The following PLK3 variants were observed in gnomAD, a reference collection of about 807,000 sequenced individuals.
PLK3 encodes polo like kinase 3, also known as serine/threonine-protein kinase PLK3.
PLK3 carries 41 observed loss-of-function variants against 71.6 expected under a neutral mutation model. The ratio of observed to expected loss-of-function variants is 0.57; its 90% CI spans 0.45 to 0.74. The LOEUF is 0.74. Ranked by LOEUF, PLK3 falls within the 30% of genes least tolerant of loss-of-function variation. The pLI is 0.00. For synonymous variants in PLK3, 366 were observed against 355.4 expected (o/e 1.03, Z -0.33); for missense variants, 791 against 875.6 (o/e 0.90, Z 1.22).
In PLK3 at chr1:44,802,872, A is replaced by G. The variant is rs372760370; in HGVS notation, c.749+17A>G. ...CTGTGTCATGTGAGTTGCAGGGTCC[A>G]GGTTCAGCAGCAGACAGGTGGTGGG... On this transcript the variant is annotated intron_variant, in intron 6 of 14. Coordinates refer to ENST00000372201, the MANE Select transcript of PLK3 (RefSeq NM_004073.4). 4 of 1,610,834 alleles carry G rather than the reference A, an allele frequency of 2.5e-6. No homozygotes were observed. The highest frequency in any genetic ancestry group is 3.4e-6 in the Non-Finnish European group (4 of 1,176,988).
At position 44,803,442 on chromosome 1, in the gene PLK3, G is replaced by A; in HGVS notation, c.1072+51G>A. ...AGGGGGCAGAGCAGTAGAGCGGCTTGTCACATTTGTCTTGGGTGTGTGAGT... is the reference window on the plus strand; with the variant it reads ...AGGGGGCAGAGCAGTAGAGCGGCTTATCACATTTGTCTTGGGTGTGTGAGT... On this transcript the variant is annotated intron_variant, in intron 8 of 14. Transcript: ENST00000372201. The surrounding 1 kb of genome is among the most constrained non-coding windows in gnomAD (Gnocchi z 4.3). 1 of 1,608,986 alleles carries A rather than the reference G, an allele frequency of 6.2e-7. No individual in the cohort carries two copies. Among genetic ancestry groups the A allele is most frequent in the African/African-American group, 1.3e-5 (1 of 74,978 alleles).
chr1:44,802,028 G>GATCTCA, intron 5 of PLK3, 96 bp downstream of exon 5: 1 of 896,632 alleles, frequency 1.1e-6, no homozygotes, highest in Admixed American at 2.3e-5. Flanking sequence ...TGCCTGATGT[G>GATCTCA]TGCATGAGAT....
intron 5 of PLK3, 61 bp downstream of exon 5, chr1:44,801,993 A>ATATG: frequency 7.8e-7 from 1 of 1,289,926 alleles, no homozygotes; most frequent in Non-Finnish European, 1.1e-6. Flanking sequence ...TAGACAGTGC[A>ATATG]TATGTATGTG....
rs767843437 is a variant in PLK3, at chr1:44,801,983, TAGAC to T, written c.653+54_653+57del. 2.3e-5 allele frequency: 31 copies of T among 1,369,478 alleles called. No homozygotes were observed. The African/African-American group carries it at 3.0e-4, about 13-fold the overall frequency. 84.8% of individuals were successfully genotyped at this position (1,369,478 alleles called of 1,614,324 possible). A position where few individuals can be genotyped will look rare whatever the true frequency, so the allele number is the denominator to read the frequency against. ...TGTGTGATACAGATGACATGCGTGA[TAGAC>T]AGTGCATATGTATGTGGGAGGCAAG... On this transcript the variant is annotated intron_variant, in intron 5 of 14. Transcript: ENST00000372201.
At position 44,803,788 on chromosome 1, in the gene PLK3, C is replaced by T. The variant is rs959458044; in HGVS notation, c.1164+97C>T. 2.4e-5 allele frequency: 28 copies of T among 1,171,144 alleles called. No individual in the cohort carries two copies. The highest frequency in any genetic ancestry group is 3.2e-5 in the Non-Finnish European group (26 of 801,070). 72.5% of individuals were successfully genotyped at this position (1,171,144 alleles called of 1,614,324 possible). On this transcript the variant is annotated intron_variant, in intron 9 of 14. Coordinates refer to ENST00000372201, the MANE Select transcript of PLK3 (RefSeq NM_004073.4). The surrounding 1 kb of genome is among the most constrained non-coding windows in gnomAD (Gnocchi z 4.3). ...AAGAGGCTGCTGAAGCATCCAGCCT[C>T]GTGGTGGCCTAATTGGCTGTGTGTC...
Position 44,802,982 on chromosome 1 carries a change from C to G in PLK3, c.777C>G (p.Pro259=). 2 of 1,614,034 alleles carry G rather than the reference C, an allele frequency of 1.2e-6. No homozygotes were observed. The highest frequency in any genetic ancestry group is 1.7e-6 in the Non-Finnish European group (2 of 1,179,944). ...VMYTLLCGSP[P]FETADLKETY... Reference sequence around the variant, plus strand: ...ACACGCTGCTCTGCGGGAGCCCTCCCTTTGAGACGGCTGACCTGAAGGAGA... The same window carrying G: ...ACACGCTGCTCTGCGGGAGCCCTCCGTTTGAGACGGCTGACCTGAAGGAGA... Residue 259 remains proline (P), a synonymous_variant, in exon 7 of 15, where the codon CCC becomes CCG. Transcript: ENST00000372201.
Position 44,803,610 on chromosome 1 carries a change from T to C in PLK3, c.1083T>C (p.His361=). The change falls in exon 9 of 15, where the codon CAT becomes CAC. Residue 361 remains histidine, a synonymous_variant. Transcript: ENST00000372201. This position sits in a 1 kb window ranked among gnomAD's most constrained non-coding sequence, Gnocchi z 4.3. ...LFGRKKKSKN[H]AQERDEVSGL... ...ACCTTTCACCCCCAGGTAAGAATCA[T>C]GCCCAGGAGAGGGATGAGGTCTCCG... The C allele has an allele frequency of 6.2e-7, 1 of 1,613,820 alleles. No individual in the cohort carries two copies. Among genetic ancestry groups the C allele is most frequent in the South Asian group, 1.1e-5 (1 of 91,070 alleles).
In PLK3 at chr1:44,805,349, C is replaced by A; in HGVS notation, c.1719C>A (p.Leu573=). ...LLQWVKTDQA[L]LMLFSDGTVQ... ...AGTGGGTCAAGACGGATCAGGCTCTCCTCATGCTGTTTAGTGATGGCACTG... is the reference window on the plus strand; with the variant it reads ...AGTGGGTCAAGACGGATCAGGCTCTACTCATGCTGTTTAGTGATGGCACTG... The change falls in exon 14 of 15, where the codon CTC becomes CTA. Residue 573 remains leucine (L), a synonymous_variant. Transcript: ENST00000372201. 6.2e-7 allele frequency: 1 copy of A among 1,613,972 alleles called. No homozygotes were observed.
In PLK3 at chr1:44,801,653, C is replaced by T; in HGVS notation, c.467C>T (p.Thr156Ile). ...SLAHIWKARH[T>I]LLEPEVRYYL... Reference sequence around the variant, plus strand: ...GCCCACATCTGGAAGGCCCGGCACACCCTGTTGGAGCCAGAAGTGCGCTAC... The same window carrying T: ...GCCCACATCTGGAAGGCCCGGCACATCCTGTTGGAGCCAGAAGTGCGCTAC... Residue 156 changes from threonine to isoleucine, a missense_variant, in exon 4 of 15, where the codon ACC (threonine) becomes ATC (isoleucine). By Grantham distance (89) the Thr-to-Ile change is moderately conservative (BLOSUM62 -1). Transcript: ENST00000372201. 6.2e-7 allele frequency: 1 copy of T among 1,613,682 alleles called. No homozygotes were observed. Among genetic ancestry groups the T allele is most frequent in the Admixed American group, 1.7e-5 (1 of 59,994 alleles).
rs186791257 is a variant in PLK3, at chr1:44,805,155, T to C, written c.1636-111T>C. The C allele has an allele frequency of 6.2e-5, 46 of 744,434 alleles. 2 individuals carry two copies. The highest frequency in any genetic ancestry group is 6.0e-4 in the African/African-American group (35 of 58,032). The allele number at this position is 744,434 out of a possible 1,614,324, so 46.1% of individuals were successfully genotyped here. A position where few individuals can be genotyped will look rare whatever the true frequency, so the allele number is the denominator to read the frequency against. ...AACTAACCCATCCTGATCCCTCTGA[T>C]TCCCCCTTGGTGGTGGTTGGGGTTG... On this transcript the variant is annotated intron_variant, in intron 13 of 14. Transcript: ENST00000372201.
chr1:44,800,918 C>T lies in PLK3; in HGVS notation c.289C>T (p.Arg97Cys). ...CGCTGTCAAAGTCATCCCGCAGAGC[C>T]GCGTCGCCAAGCCGCATCAGCGCGA... ...AYAVKVIPQS[R>C]VAKPHQREKI... The change falls in exon 2 of 15, where the codon CGC (arginine) becomes TGC (cysteine). Residue 97 changes from arginine to cysteine, a missense_variant. Coordinates refer to ENST00000372201, the MANE Select transcript of PLK3 (RefSeq NM_004073.4). The surrounding 1 kb of genome is among the most constrained non-coding windows in gnomAD (Gnocchi z 6.5). 2.5e-6 allele frequency: 4 copies of T among 1,612,706 alleles called. No individual in the cohort carries two copies. The South Asian group carries it at 4.4e-5, about 18-fold the overall frequency.
chr1:44,800,637 C>T lies in PLK3; in HGVS notation c.174C>T (p.Ser58=). The stretch of plus-strand genomic sequence containing the variant: ...GGCGCCTCATCACGGACCCGCGCAG[C>T]GGCCGCACCTACCTCAAAGGCCGCT... ...DPGRLITDPR[S]GRTYLKGRLL... The change falls in exon 1 of 15, where the codon AGC becomes AGT. Residue 58 remains serine (S), a synonymous_variant. Coordinates refer to ENST00000372201, the MANE Select transcript of PLK3 (RefSeq NM_004073.4). This position sits in a 1 kb window ranked among gnomAD's most constrained non-coding sequence, Gnocchi z 6.5. 3 of 1,543,640 alleles carry T rather than the reference C, an allele frequency of 1.9e-6. No homozygotes were observed. Among genetic ancestry groups the T allele is most frequent in the Admixed American group, 2.0e-5 (1 of 51,178 alleles).
At chr1:44,804,292 G>T (rs1262159302) in intron 11 of PLK3, 46 bp downstream of exon 11, 32 of 1,613,638 alleles carry the variant, frequency 2.0e-5, no homozygotes, top group Non-Finnish European at 2.5e-5. Flanking sequence ...GAGTTCTGTG[G>T]CTGGGAGGCC....
At chr1:44,804,280 G>T (rs753191646) in intron 11 of PLK3, 34 bp downstream of exon 11, 26 of 1,612,862 alleles carry the variant, frequency 1.6e-5, no homozygotes, top group Non-Finnish European at 2.5e-6. Flanking sequence ...CTGCTGTGGT[G>T]GGAGTTCTGT....
In PLK3 at chr1:44,800,480, GT is replaced by G. The variant is rs1382300561; in HGVS notation, c.20del (p.Phe7SerfsTer102). On this transcript the variant is annotated frameshift_variant, in exon 1 of 15. Coordinates refer to ENST00000372201, the MANE Select transcript of PLK3 (RefSeq NM_004073.4). LOFTEE classifies it high-confidence loss of function. This position sits in a 1 kb window ranked among gnomAD's most constrained non-coding sequence, Gnocchi z 6.5. Reference sequence around the variant, plus strand: ...GCCGGCCGCATGGAGCCTGCCGCCGGTTTCCTGTCTCCGCGCCCCTTCCAGC... The same window carrying G: ...GCCGGCCGCATGGAGCCTGCCGCCGGTTCCTGTCTCCGCGCCCCTTCCAGC... The part of the protein sequence containing the change: MEPAA[G>X]FLSPRPFQRA... 3.7e-5 allele frequency: 53 copies of G among 1,429,932 alleles called. No individual in the cohort carries two copies. Among genetic ancestry groups the G allele is most frequent in the Non-Finnish European group, 4.7e-5 (52 of 1,097,704 alleles). 88.6% of individuals were successfully genotyped at this position (1,429,932 alleles called of 1,614,324 possible). A position where few individuals can be genotyped will look rare whatever the true frequency, so the allele number is the denominator to read the frequency against.
At chr1:44,804,964 G>C (rs1447561136) in intron 13 of PLK3, 185 bp downstream of exon 13, 1 of 620,704 alleles carries the variant, frequency 1.6e-6, no homozygotes, top group Non-Finnish European at 2.8e-6. Context: ...AATTAGCCGG[G>C]CGTGGTGGCG....
At chr1:44,801,809 G>T in intron 4 of PLK3, 36 bp from the exon 5 acceptor site, 1 of 1,608,518 alleles carries the variant, frequency 6.2e-7, no homozygotes, top group South Asian at 1.1e-5. Flanking sequence ...GAGGGAGGAA[G>T]GAAAGAATCT....
In PLK3 at chr1:44,805,527, G is replaced by T; in HGVS notation, c.1790G>T (p.Gly597Val). The change falls in exon 15 of 15, where the codon GGC becomes GTC. Residue 597 changes from glycine to valine, a missense_variant. Gly to Val is a moderately radical substitution (Grantham distance 109). Coordinates refer to ENST00000372201, the MANE Select transcript of PLK3 (RefSeq NM_004073.4). ...YGDHTKLILS[G>V]WEPLLVTFVA... is the part of the protein sequence containing the mutation. Reference sequence around the variant, plus strand: ...GACCACACCAAGCTGATTCTCAGTGGCTGGGAGCCCCTCCTTGTGACTTTT... The same window carrying T: ...GACCACACCAAGCTGATTCTCAGTGTCTGGGAGCCCCTCCTTGTGACTTTT... 3 of 1,614,218 alleles carry T rather than the reference G, an allele frequency of 1.9e-6. No homozygotes were observed. Among genetic ancestry groups the T allele is most frequent in the Middle Eastern group, 1.6e-4 (1 of 6,062 alleles).
chr1:44,804,041 G>C lies in PLK3; in HGVS notation c.1258+17G>C. On this transcript the variant is annotated intron_variant, in intron 10 of 14. Coordinates refer to ENST00000372201, the MANE Select transcript of PLK3 (RefSeq NM_004073.4). ...GTGGAGATGGTGAGGAGCCAGGGAG[G>C]ATGAGAGGTGATAGAGGTTGCTGGA... 1 of 1,545,964 alleles carries C rather than the reference G, an allele frequency of 6.5e-7. No homozygotes were observed. Among genetic ancestry groups the C allele is most frequent in the Non-Finnish European group, 8.8e-7 (1 of 1,134,236 alleles).
Sources: allele counts gnomAD v4.1 joint callset, GRCh38; gene constraint gnomAD v4.1.1; non-coding constraint Gnocchi (gnomAD v3.1); transcripts MANE v1.5; gene names NCBI Gene and HGNC (gene_info 2026-07-23, HGNC 2026-07-21).